Variants in DCHS2 observed in about 807,000 individuals in gnomAD.
The protein encoded by DCHS2 is dachsous cadherin-related 2.
DCHS2 carries 142 observed loss-of-function variants against 182.4 expected under a neutral mutation model. That is an observed-to-expected ratio of 0.78 (90% CI 0.68 to 0.89). The LOEUF (loss-of-function observed/expected upper bound fraction) is 0.89. Ranked by LOEUF, DCHS2 falls within the 40% of genes least tolerant of loss-of-function variation. The pLI, the probability that DCHS2 is intolerant of heterozygous loss-of-function variation, is 0.00. For synonymous variants in DCHS2, 1,740 were observed against 1,663.3 expected, an observed-to-expected ratio of 1.05 and a Z score of -1.12; for missense variants, 4,319 against 4,198.6, an observed-to-expected ratio of 1.03 and a Z score of -0.79.
chr4:154,392,156 A>C (rs10517591), intron 1 of DCHS2, among the ~76,000 whole-genome samples: 91,240 of 151,976 alleles, frequency 0.6, 27,869 homozygotes, highest in Middle Eastern at 0.69. Context: ...ACAAAGATAC[A>C]TTGAAATGCC....
intron 3 of DCHS2, among the ~76,000 whole-genome samples, chr4:154,356,438 C>A (rs989925799): frequency 6.6e-6 from 1 of 151,996 alleles, no homozygotes; most frequent in South Asian, 2.1e-4. Context: ...TTTGATGTAG[C>A]CTAAGTGTAG....
chr4:154,278,045 AC>A lies in DCHS2; in HGVS notation c.6464-8033del, dbSNP rs938839164. On this transcript the variant is annotated intron_variant, in intron 13 of 19. Transcript: ENST00000357232. ...AACAGAGCAAGACTCCATCACACAC[AC>A]AAAAAAAAAGAATTTAAAATAATTA... Among the ~76,000 whole-genome samples, 189 of 129,154 alleles carry A rather than the reference AC, an allele frequency of 1.5e-3. 1 individual carries two copies. Among genetic ancestry groups the A allele is most frequent in the African/African-American group, 5.3e-3 (179 of 33,794 alleles). The allele number at this position is 129,154 out of a possible 152,430, so 84.7% of individuals were successfully genotyped here. A position where few individuals can be genotyped will look rare whatever the true frequency, so the allele number is the denominator to read the frequency against.
chr4:154,417,204 T>TGTGTGAGAGA lies in DCHS2; in HGVS notation c.2053-39761_2053-39760insTCTCTCACAC, dbSNP rs1560745908. Among the ~76,000 whole-genome samples the TGTGTGAGAGA allele has an allele frequency of 2.4e-3, 95 of 39,426 alleles. 1 individual carries two copies. Among genetic ancestry groups the TGTGTGAGAGA allele is most frequent in the Non-Finnish European group, 3.2e-3 (67 of 20,950 alleles). The allele number at this position is 39,426 out of a possible 152,430, so 25.9% of individuals were successfully genotyped here. On this transcript the variant is annotated intron_variant, in intron 1 of 19. Coordinates refer to ENST00000357232, the MANE Select transcript of DCHS2 (RefSeq NM_001358235.2). ...GTGTGTGTGTGTGTGTGTGTGTGTG[T>TGTGTGAGAGA]GAGAGAGAGAGAGAGAGAGAGAGAG...
At chr4:154,431,003 T>A (rs1250712282) in intron 1 of DCHS2, among the ~76,000 whole-genome samples, 2 of 152,198 alleles carry the variant, frequency 1.3e-5, no homozygotes, top group Non-Finnish European at 2.9e-5. Context: ...GTAGCTCAAG[T>A]CTCCTCACCT....
At chr4:154,372,546 G>A (rs1375968401) in intron 2 of DCHS2, among the ~76,000 whole-genome samples, 1 of 152,104 alleles carries the variant, frequency 6.6e-6, no homozygotes, top group Non-Finnish European at 1.5e-5. Context: ...GTCAGCTACA[G>A]AATCCAGGAT....
At chr4:154,376,966 A>G (rs950999061) in intron 2 of DCHS2, among the ~76,000 whole-genome samples, 2 of 152,206 alleles carry the variant, frequency 1.3e-5, no homozygotes, top group South Asian at 4.1e-4. Flanking sequence ...ACATGTTTTG[A>G]TAATCAAGAA....
chr4:154,338,936 T>C (rs982515775), intron 3 of DCHS2, among the ~76,000 whole-genome samples: 1 of 152,170 alleles, frequency 6.6e-6, no homozygotes, highest in African/African-American at 2.4e-5. Flanking sequence ...CCTCTGTAGA[T>C]ATAGATATCT....
At chr4:154,358,146 C>T (rs1203213046) in intron 3 of DCHS2, among the ~76,000 whole-genome samples, 2 of 152,172 alleles carry the variant, frequency 1.3e-5, no homozygotes, top group Non-Finnish European at 1.5e-5. Context: ...TTGTATGTAT[C>T]TTAGTTTCTC....
chr4:154,332,709 C>T lies in DCHS2; in HGVS notation c.3499G>A (p.Asp1167Asn). 6.2e-7 allele frequency: 1 copy of T among 1,614,252 alleles called. No homozygotes were observed. ...GTGCTCACATTTTGCAAGAATCCGT[C>T]CTCGGGGATCCAAGCAAACACTCTA... ...NFRVFAWIPE[D>N]GFLQNVSTTV... Residue 1167 changes from aspartate to asparagine, a missense_variant, in exon 5 of 20, where the codon GAC becomes AAC. Transcript: ENST00000357232.
chr4:154,396,485 C>T (rs1047480459), intron 1 of DCHS2, among the ~76,000 whole-genome samples: 1 of 152,248 alleles, frequency 6.6e-6, no homozygotes, highest in African/African-American at 2.4e-5. Context: ...CTGATGATGG[C>T]ATTATAACTC....
intron 1 of DCHS2, among the ~76,000 whole-genome samples, chr4:154,404,818 A>C (rs544315680): frequency 6.6e-6 from 1 of 152,324 alleles, no homozygotes; most frequent in South Asian, 2.1e-4. Context: ...ACTTCATCTG[A>C]AAAGACAAAG....
At chr4:154,343,402 G>T in intron 3 of DCHS2, 1 of 1,293,612 alleles carries the variant, frequency 7.7e-7, no homozygotes. Flanking sequence ...GAAAGTCCTA[G>T]ATGGCATCTT....
intron 2 of DCHS2, among the ~76,000 whole-genome samples, chr4:154,375,718 C>T (rs1730859831): frequency 6.6e-6 from 1 of 152,032 alleles, no homozygotes; most frequent in Non-Finnish European, 1.5e-5. Context: ...AATTTTCATA[C>T]TTCACTGGTG....
chr4:154,364,656 T>A (rs1185987626), intron 3 of DCHS2, among the ~76,000 whole-genome samples: 1 of 152,180 alleles, frequency 6.6e-6, no homozygotes, highest in Non-Finnish European at 1.5e-5. Flanking sequence ...AGGCACAGTT[T>A]CCAGGCAGAA....
Position 154,490,192 on chromosome 4 carries a change from T to C in DCHS2, c.1164A>G (p.Gly388=). The stretch of plus-strand genomic sequence containing the variant: ...CCGTGGCAACCTCAGGCTCGGCGCC[T>C]CCATCGCGGGCCTCCACCACCAACT... ...WHQLVVEARD[G]GAEPEVATVR... Residue 388 remains glycine (G), a synonymous_variant, in exon 1 of 20, where the codon GGA becomes GGG. Transcript: ENST00000357232. 1 of 1,549,278 alleles carries C rather than the reference T, an allele frequency of 6.5e-7. No individual in the cohort carries two copies. Among genetic ancestry groups the C allele is most frequent in the Non-Finnish European group, 8.7e-7 (1 of 1,146,644 alleles).
At chr4:154,259,787 A>G in intron 14 of DCHS2, 31 bp from the exon 15 acceptor site, 1 of 1,574,084 alleles carries the variant, frequency 6.4e-7, no homozygotes, top group South Asian at 1.2e-5. Context: ...AAAAAAAAGA[A>G]AATGATGTTG....
chr4:154,436,835 A>C (rs746199994), intron 1 of DCHS2, among the ~76,000 whole-genome samples: 1 of 152,236 alleles, frequency 6.6e-6, no homozygotes, highest in Non-Finnish European at 1.5e-5. Flanking sequence ...TAAAATACAC[A>C]GGGGATTTCA....
At chr4:154,241,773 T>C (rs1731837406) in intron 17 of DCHS2, among the ~76,000 whole-genome samples, 1 of 152,138 alleles carries the variant, frequency 6.6e-6, no homozygotes, top group South Asian at 2.1e-4. Flanking sequence ...TTCAATAAAA[T>C]CAAATGAAAA....
chr4:154,304,959 G>A (rs1735385520), intron 11 of DCHS2, 81 bp from the exon 12 acceptor site: 1 of 1,515,528 alleles, frequency 6.6e-7, no homozygotes, highest in Non-Finnish European at 8.8e-7. Context: ...GACAATGTCA[G>A]GCTAACCAGG....
Sources: gnomAD v4.1 joint callset for allele counts (sites outside exome capture counted in the v4.1 genomes callset) on GRCh38, gnomAD v4.1.1 for gene constraint, MANE v1.5 for transcripts, NCBI Gene and HGNC (gene_info 2026-07-23, HGNC 2026-07-21) for gene names.